MLXIP: variants seen among roughly 807,000 people sequenced by gnomAD.
MLXIP encodes MLX-interacting protein.
Under a neutral mutation model 87.2 loss-of-function variants are expected in MLXIP, and 30 were observed. That is an observed-to-expected ratio of 0.34 (90% CI 0.26 to 0.47). The LOEUF (loss-of-function observed/expected upper bound fraction) is 0.47. MLXIP is among the 20% of genes least tolerant of loss of function. MLXIP has a pLI of 1.00. For missense variants in MLXIP, 1,002 were observed against 1,240.1 expected (o/e 0.81, Z 2.88); for synonymous variants, 530 against 514.0 (o/e 1.03, Z -0.42).
At chr12:122,081,772 T>G (rs1565953524) in intron 1 of MLXIP, among the ~76,000 whole-genome samples, 1 of 152,202 alleles carries the variant, frequency 6.6e-6, no homozygotes, top group Non-Finnish European at 1.5e-5. Flanking sequence ...CCCTGCCGGC[T>G]GTCTGGGTCC....
rs151211781 is a variant in MLXIP at position 122,116,438 on chromosome 12, G to A, written c.414-10818G>A. Among the ~76,000 whole-genome samples, 19 of 152,308 alleles carry A rather than the reference G, an allele frequency of 1.2e-4. No homozygotes were observed. In the East Asian group the frequency reaches 3.5e-3, roughly 28 times the overall value. On this transcript the variant is annotated intron_variant, in intron 1 of 16. Coordinates refer to ENST00000319080, the MANE Select transcript of MLXIP (RefSeq NM_014938.6). ...AGAAAATATGGGGCACATGGCTAAC[G>A]CGCAGGTTTTTAATTATGAAATTTC...
At chr12:122,099,256 A>G (rs1260168366) in intron 1 of MLXIP, among the ~76,000 whole-genome samples, 1 of 152,128 alleles carries the variant, frequency 6.6e-6, no homozygotes, top group Non-Finnish European at 1.5e-5. Flanking sequence ...AAACCAAAAC[A>G]AACCAAAACA....
intron 1 of MLXIP, among the ~76,000 whole-genome samples, chr12:122,082,540 G>A (rs1032022350): frequency 1.1e-4 from 17 of 152,158 alleles, no homozygotes; most frequent in Admixed American, 5.9e-4. Context: ...AACGGGCTCC[G>A]CATAGCAAGT....
intron 1 of MLXIP, among the ~76,000 whole-genome samples, chr12:122,112,739 T>G (rs1321281866): frequency 6.6e-6 from 1 of 152,140 alleles, no homozygotes; most frequent in Non-Finnish European, 1.5e-5. Context: ...GGGTGTATGA[T>G]GAAGATGGAC....
chr12:122,079,343 C>T (rs1326384212), intron 1 of MLXIP, 77 bp downstream of exon 1: 4 of 1,285,774 alleles, frequency 3.1e-6, no homozygotes, highest in South Asian at 2.6e-5. Context: ...GGAAGGGCCG[C>T]CTGGCAACCC....
intron 1 of MLXIP, among the ~76,000 whole-genome samples, chr12:122,104,160 A>C (rs1047508310): frequency 1.4e-4 from 22 of 152,240 alleles, no homozygotes; most frequent in African/African-American, 5.3e-4. Context: ...CAGCTCTATT[A>C]AGGTATAATA....
chr12:122,099,470 C>T (rs549707861), intron 1 of MLXIP, among the ~76,000 whole-genome samples: 1 of 152,314 alleles, frequency 6.6e-6, no homozygotes, highest in Non-Finnish European at 1.5e-5. Flanking sequence ...GCCCCAGCCT[C>T]ACTTGGCCCT....
Position 122,120,249 on chromosome 12 carries a change from G to T in MLXIP, c.414-7007G>T, listed in dbSNP as rs571827158. On this transcript the variant is annotated intron_variant, in intron 1 of 16. Transcript: ENST00000319080. The stretch of plus-strand genomic sequence containing the variant: ...TTTTCTTTTCTTCTTTTGAGACAGG[G>T]TCTTGCCCTGTCACCCAGGCTGGAG... Among the ~76,000 whole-genome samples the T allele has an allele frequency of 6.0e-5, 9 of 150,438 alleles. No homozygotes were observed. The East Asian group carries it at 1.8e-3, about 30-fold the overall frequency.
chr12:122,106,328 G>A (rs781224106), intron 1 of MLXIP, among the ~76,000 whole-genome samples: 1 of 152,206 alleles, frequency 6.6e-6, no homozygotes, highest in Non-Finnish European at 1.5e-5. Context: ...ACCACTGGGT[G>A]CCCCTCCATT....
At chr12:122,110,812 T>C (rs1019192190) in intron 1 of MLXIP, among the ~76,000 whole-genome samples, 3 of 150,864 alleles carry the variant, frequency 2.0e-5, no homozygotes, top group Admixed American at 6.6e-5. Flanking sequence ...GCGCAGTGGC[T>C]CACGCCTGTA....
chr12:122,106,881 T>G (rs1952529347), intron 1 of MLXIP, among the ~76,000 whole-genome samples: 1 of 152,112 alleles, frequency 6.6e-6, no homozygotes, highest in African/African-American at 2.4e-5. Context: ...TGATTACAGG[T>G]GTGAGCCACA....
Position 122,144,161 on chromosome 12 carries a change from C to T in MLXIP, c.*2349C>T, listed in dbSNP as rs553257934. 3.6e-4 allele frequency: 55 copies of T among 152,786 alleles called. No homozygotes were observed. The highest frequency in any genetic ancestry group is 4.3e-4 in the Non-Finnish European group (29 of 68,044). 9.5% of individuals were successfully genotyped at this position (152,786 alleles called of 1,614,324 possible). A position where few individuals can be genotyped will look rare whatever the true frequency, so the allele number is the denominator to read the frequency against. On this transcript the variant is annotated 3_prime_UTR_variant, in exon 17 of 17. Coordinates refer to ENST00000319080, the MANE Select transcript of MLXIP (RefSeq NM_014938.6). The stretch of plus-strand genomic sequence containing the variant: ...GGCCAGGTGCAGGAACATCTGAGGC[C>T]ACTCTGCTGGCCACCTCCAGTGGGT...
intron 3 of MLXIP, 130 bp from the exon 4 acceptor site, chr12:122,129,004 TGTG>T: frequency 1.5e-6 from 1 of 685,688 alleles, no homozygotes; most frequent in Non-Finnish European, 2.6e-6. Context: ...TTCTGAGTGA[TGTG>T]GTAGCCACTG....
chr12:122,090,357 T>C (rs36181536), intron 1 of MLXIP, among the ~76,000 whole-genome samples: 109,321 of 151,748 alleles, frequency 0.72, 39,785 homozygotes, highest in African/African-American at 0.83. Flanking sequence ...AATTAGCTGG[T>C]GTGGTGGCAC....
intron 1 of MLXIP, among the ~76,000 whole-genome samples, chr12:122,120,550 C>A (rs1049856112): frequency 2.6e-5 from 4 of 152,164 alleles, no homozygotes; most frequent in African/African-American, 9.7e-5. Context: ...TGTGAATGTT[C>A]TTAATGGCAC....
At chr12:122,127,155 T>C in intron 1 of MLXIP, 101 bp from the exon 2 acceptor site, 6 of 893,264 alleles carry the variant, frequency 6.7e-6, no homozygotes, top group Non-Finnish European at 1.1e-5. Flanking sequence ...TGGGGGTGGA[T>C]CAGTCAAGAG....
chr12:122,114,390 T>G (rs927810090), intron 1 of MLXIP, among the ~76,000 whole-genome samples: 1 of 152,204 alleles, frequency 6.6e-6, no homozygotes, highest in Non-Finnish European at 1.5e-5. Flanking sequence ...AAGTATTATA[T>G]TCATGGTTGC....
chr12:122,087,879 T>C (rs1033097815), intron 1 of MLXIP, among the ~76,000 whole-genome samples: 1 of 152,074 alleles, frequency 6.6e-6, no homozygotes, highest in African/African-American at 2.4e-5. Context: ...TGCTGGTGAA[T>C]TGGACCTGGC....
chr12:122,138,130 T>G, intron 12 of MLXIP, 64 bp from the exon 13 acceptor site: 5 of 1,405,122 alleles, frequency 3.6e-6, no homozygotes, highest in African/African-American at 1.4e-5. Context: ...GCGTAGGGGG[T>G]GAGGAAGGGT....
Sources: gnomAD v4.1 joint callset for allele counts (sites outside exome capture counted in the v4.1 genomes callset) on GRCh38, gnomAD v4.1.1 for gene constraint, MANE v1.5 for transcripts, NCBI Gene and HGNC (gene_info 2026-07-23, HGNC 2026-07-21) for gene names.